The following FAM135B variants were observed in gnomAD, a reference collection of about 807,000 sequenced individuals.
FAM135B encodes the protein family with sequence similarity 135 member B, also known as protein FAM135B.
Under a neutral mutation model 127.7 loss-of-function variants are expected in FAM135B, and 43 were observed. The observed-to-expected ratio is 0.34, with a 90% confidence interval of 0.26 to 0.43. The LOEUF (loss-of-function observed/expected upper bound fraction) is 0.43. Ranked by LOEUF, FAM135B falls within the 20% of genes least tolerant of loss-of-function variation. The pLI is 1.00. For synonymous variants in FAM135B, 670 were observed against 665.1 expected (o/e 1.01, Z -0.11); for missense variants, 1,558 against 1,725.6 (o/e 0.90, Z 1.72).
At chr8:138,193,188 C>T (rs922190281) in intron 9 of FAM135B, among the ~76,000 whole-genome samples, 1 of 152,182 alleles carries the variant, frequency 6.6e-6, no homozygotes, top group African/African-American at 2.4e-5. Context: ...AGCACCGATT[C>T]CTCCCACCAC....
At chr8:138,280,153 C>G (rs1366633004) in intron 3 of FAM135B, among the ~76,000 whole-genome samples, 1 of 152,174 alleles carries the variant, frequency 6.6e-6, no homozygotes, top group East Asian at 1.9e-4. Context: ...CCCAACTGCC[C>G]TGATGCTTAC....
chr8:138,249,107 TCC>T (rs1821515050), intron 6 of FAM135B, among the ~76,000 whole-genome samples: 1 of 152,132 alleles, frequency 6.6e-6, no homozygotes, highest in Non-Finnish European at 1.5e-5. Flanking sequence ...AGCCTGCTAA[TCC>T]CAGGACCTGA....
chr8:138,308,570 C>A (rs1382807009), intron 3 of FAM135B, among the ~76,000 whole-genome samples: 4 of 152,130 alleles, frequency 2.6e-5, no homozygotes, highest in African/African-American at 9.7e-5. Context: ...CTGTAAAGCT[C>A]AAGGCATACC....
chr8:138,287,203 T>C (rs1183409454), intron 3 of FAM135B, among the ~76,000 whole-genome samples: 2 of 152,058 alleles, frequency 1.3e-5, no homozygotes, highest in Non-Finnish European at 2.9e-5. Context: ...AATAAAATTA[T>C]ATAATGAAGG....
intron 3 of FAM135B, 60 bp from the exon 4 acceptor site, chr8:138,265,902 C>T (rs1226691494): frequency 6.5e-7 from 1 of 1,537,826 alleles, no homozygotes; most frequent in East Asian, 2.3e-5. Context: ...ACCTGCAGCC[C>T]TGTCAGGTGT....
At chr8:138,226,386 T>C (rs1032040013) in intron 7 of FAM135B, among the ~76,000 whole-genome samples, 2 of 151,950 alleles carry the variant, frequency 1.3e-5, no homozygotes, top group African/African-American at 4.8e-5. Flanking sequence ...CAATGTATGC[T>C]AAAGGAACCT....
At chr8:138,270,602 G>A (rs1037939111) in intron 3 of FAM135B, among the ~76,000 whole-genome samples, 4 of 152,246 alleles carry the variant, frequency 2.6e-5, no homozygotes, top group Admixed American at 1.3e-4. Flanking sequence ...TCTGGAGGCT[G>A]GGAAGTCCAA....
At chr8:138,144,868 C>T (rs1224856696) in intron 15 of FAM135B, among the ~76,000 whole-genome samples, 6 of 152,188 alleles carry the variant, frequency 3.9e-5, no homozygotes, top group Admixed American at 3.9e-4. Flanking sequence ...CCAGATCTCT[C>T]TTGCTAACAA....
intron 16 of FAM135B, among the ~76,000 whole-genome samples, chr8:138,142,596 G>T (rs932925768): frequency 6.6e-6 from 1 of 151,992 alleles, no homozygotes; most frequent in African/African-American, 2.4e-5. Context: ...GAGCCACCGC[G>T]CCCGGCCTTT....
rs1007264005 is a variant in FAM135B at position 138,178,391 on chromosome 8, A to G, written c.1029+144T>C. The G allele has an allele frequency of 3.4e-6, 3 of 882,634 alleles. No homozygotes were observed. The East Asian group carries it at 7.8e-5, about 23-fold the overall frequency. 54.7% of individuals were successfully genotyped at this position (882,634 alleles called of 1,614,324 possible). On this transcript the variant is annotated intron_variant, in intron 10 of 19. Coordinates refer to ENST00000395297, the MANE Select transcript of FAM135B (RefSeq NM_015912.4). ...GCCTGAGAGGCTAAGGAAGTTCACAACGCCACCCTGCACGGTCATGGTAGA... is the reference window on the plus strand; with the variant it reads ...GCCTGAGAGGCTAAGGAAGTTCACAGCGCCACCCTGCACGGTCATGGTAGA...
intron 1 of FAM135B, among the ~76,000 whole-genome samples, chr8:138,416,167 C>A (rs961573256): frequency 6.6e-6 from 1 of 152,150 alleles, no homozygotes; most frequent in Non-Finnish European, 1.5e-5. Context: ...CAAAATAAAT[C>A]TTAATTCTCT....
In FAM135B at chr8:138,310,816, GCCCCATTGCCATT is replaced by G. The variant is rs747749631; in HGVS notation, c.157+12_157+24del. ...GGGAGGTTCGCCATTGGGGGCAAGT[GCCCCATTGCCATT>G]CTTCTGCTCACCTGTCTGCCCAGCG... is the stretch of plus-strand genomic sequence containing the variant. On this transcript the variant is annotated intron_variant, in intron 3 of 19. Transcript: ENST00000395297. The G allele has an allele frequency of 2.7e-4, 434 of 1,609,848 alleles. 3 individuals carry two copies. In the East Asian group the frequency reaches 5.5e-3, roughly 20 times the overall value.
At chr8:138,484,048 T>C (rs984548705) in intron 1 of FAM135B, among the ~76,000 whole-genome samples, 1 of 152,200 alleles carries the variant, frequency 6.6e-6, no homozygotes, top group African/African-American at 2.4e-5. Flanking sequence ...AGTGAAAGGA[T>C]GAACACCTAA....
At chr8:138,221,853 A>G (rs528696272) in intron 7 of FAM135B, among the ~76,000 whole-genome samples, 1 of 152,362 alleles carries the variant, frequency 6.6e-6, no homozygotes, top group Non-Finnish European at 1.5e-5. Flanking sequence ...GTGTGCACAC[A>G]CACGCACATG....
At chr8:138,296,422 T>C (rs1309042580) in intron 3 of FAM135B, among the ~76,000 whole-genome samples, 1 of 152,216 alleles carries the variant, frequency 6.6e-6, no homozygotes, top group Non-Finnish European at 1.5e-5. Flanking sequence ...TATATTGAAT[T>C]ATTTTTAGGC....
intron 2 of FAM135B, among the ~76,000 whole-genome samples, chr8:138,319,571 A>G (rs1212370842): frequency 2.0e-5 from 3 of 152,218 alleles, no homozygotes; most frequent in Admixed American, 6.5e-5. Context: ...AGGATGTGGA[A>G]AACTTCAGGC....
chr8:138,329,809 C>T (rs1272025513), intron 2 of FAM135B, among the ~76,000 whole-genome samples: 1 of 152,150 alleles, frequency 6.6e-6, no homozygotes, highest in Non-Finnish European at 1.5e-5. Flanking sequence ...TTAATTCAAA[C>T]ATTATTATAG....
At position 138,174,578 on chromosome 8, in the gene FAM135B, C is replaced by T. The variant is rs532753824; in HGVS notation, c.1103+2769G>A. Among the ~76,000 whole-genome samples, 3 of 152,292 alleles carry T rather than the reference C, an allele frequency of 2.0e-5. 1 individual carries two copies. In the South Asian group the frequency reaches 6.2e-4, roughly 32 times the overall value. ...GATGACCTGGCAAAAAGTTTACTTT[C>T]TCCTGAGTAGTATCTCGCTTATCTT... is the stretch of plus-strand genomic sequence containing the variant. On this transcript the variant is annotated intron_variant, in intron 11 of 19. Coordinates refer to ENST00000395297, the MANE Select transcript of FAM135B (RefSeq NM_015912.4).
chr8:138,298,086 T>G (rs1825607087), intron 3 of FAM135B, among the ~76,000 whole-genome samples: 1 of 152,172 alleles, frequency 6.6e-6, no homozygotes, highest in South Asian at 2.1e-4. Flanking sequence ...AAATTTCCCC[T>G]TCTGCAAAAC....
Sources: allele counts gnomAD v4.1 joint callset (sites outside exome capture counted in the v4.1 genomes callset), GRCh38; gene constraint gnomAD v4.1.1; transcripts MANE v1.5; gene names NCBI Gene and HGNC (gene_info 2026-07-23, HGNC 2026-07-21).